The following ATP8B1 variants were observed in gnomAD, a reference collection of about 807,000 sequenced individuals.
ATP8B1 encodes the protein phospholipid-transporting ATPase IC.
A neutral mutation model predicts 149.9 loss-of-function variants in ATP8B1; 80 were observed. That is an observed-to-expected ratio of 0.53 (90% CI 0.45 to 0.64). The LOEUF (loss-of-function observed/expected upper bound fraction) is 0.64. Among genes scored for constraint, ATP8B1 ranks in the 30% least tolerant of loss-of-function variants. The probability of loss-of-function intolerance (pLI) is 0.00; values close to 1 mark genes in which losing one functional copy is unlikely to be tolerated. For missense variants in ATP8B1, 1,247 were observed against 1,552.6 expected, an observed-to-expected ratio of 0.80 and a Z score of 3.31; for synonymous variants, 536 against 562.8, an observed-to-expected ratio of 0.95 and a Z score of 0.67.
chr18:57,800,969 C>T (rs1326489343), intron 1 of ATP8B1, among the ~76,000 whole-genome samples: 3 of 152,176 alleles, frequency 2.0e-5, no homozygotes, highest in Non-Finnish European at 4.4e-5. Context: ...TAAAATCAGT[C>T]CTGAACTTGC....
intron 1 of ATP8B1, among the ~76,000 whole-genome samples, chr18:57,775,691 C>G (rs576791864): frequency 7.0e-6 from 1 of 142,706 alleles, no homozygotes; most frequent in Admixed American, 7.4e-5. Context: ...GTTGCCCAGG[C>G]TGGAGTGCAA....
chr18:57,703,683 T>C (rs918333881), intron 4 of ATP8B1, among the ~76,000 whole-genome samples: 3 of 152,060 alleles, frequency 2.0e-5, no homozygotes, highest in East Asian at 3.9e-4. Context: ...CTAACTAGTG[T>C]GTGTAGAGTT....
intron 20 of ATP8B1, among the ~76,000 whole-genome samples, chr18:57,664,662 G>T (rs1253977948): frequency 6.6e-6 from 1 of 152,170 alleles, no homozygotes. Flanking sequence ...GTGTTAAAAT[G>T]ATATATGTGA....
At chr18:57,690,589 G>A (rs749567202) in intron 12 of ATP8B1, among the ~76,000 whole-genome samples, 5 of 152,138 alleles carry the variant, frequency 3.3e-5, no homozygotes, top group Non-Finnish European at 4.4e-5. Flanking sequence ...CACTCAACTC[G>A]GTTTTTCTCA....
Position 57,784,522 on chromosome 18 carries a change from G to C in ATP8B1, c.-26+18476C>G, listed in dbSNP as rs182628918. On this transcript the variant is annotated intron_variant, in intron 1 of 27. Transcript: ENST00000648908. This position sits in a 1 kb window ranked among gnomAD's most constrained non-coding sequence, Gnocchi z 4.4. ...GAGACGGATTGGAAATGAAAGCAGG[G>C]TGCAGTCTGGAAGAGAAAGGGGTCA... Among the ~76,000 whole-genome samples the C allele has an allele frequency of 1.5e-4, 23 of 152,246 alleles. No individual in the cohort carries two copies. The highest frequency in any genetic ancestry group is 1.3e-3 in the Admixed American group (20 of 15,278).
At chr18:57,658,454 G>T (rs921507442) in intron 22 of ATP8B1, among the ~76,000 whole-genome samples, 3 of 152,228 alleles carry the variant, frequency 2.0e-5, no homozygotes, top group African/African-American at 7.2e-5. Context: ...AGGATAGAGG[G>T]AGAAGGCAGC....
rs908160070 is a variant in ATP8B1 at position 57,653,476 on chromosome 18, G to C, written c.3015+516C>G. ...ATTTTTAAATTTTTCTGTAGAGATG[G>C]GGTCTCCCTATGTTGCCAGGGCTGG... On this transcript the variant is annotated intron_variant, in intron 24 of 27. Coordinates refer to ENST00000648908, the MANE Select transcript of ATP8B1 (RefSeq NM_001374385.1). 4.0e-5 allele frequency among the ~76,000 whole-genome samples: 6 copies of C among 151,572 alleles called. No individual in the cohort carries two copies. The East Asian group carries it at 1.2e-3, about 29-fold the overall frequency.
chr18:57,659,197 G>C (rs1910225698), intron 22 of ATP8B1, among the ~76,000 whole-genome samples: 1 of 152,122 alleles, frequency 6.6e-6, no homozygotes, highest in Admixed American at 6.6e-5. Flanking sequence ...GATTGTTTGA[G>C]GCCAGGAGGT....
chr18:57,779,312 C>T (rs2080337527), intron 1 of ATP8B1, among the ~76,000 whole-genome samples: 1 of 147,608 alleles, frequency 6.8e-6, no homozygotes, highest in Admixed American at 6.7e-5. Context: ...GATACCCTCC[C>T]TCAGAAAAAA....
intron 1 of ATP8B1, among the ~76,000 whole-genome samples, chr18:57,801,297 G>C (rs898754791): frequency 6.6e-6 from 1 of 152,166 alleles, no homozygotes; most frequent in Non-Finnish European, 1.5e-5. Flanking sequence ...GAACAAAGTG[G>C]TTAATGTTCC....
intron 18 of ATP8B1, 177 bp downstream of exon 18, chr18:57,669,141 T>G (rs2122709519): frequency 1.7e-6 from 1 of 605,092 alleles, no homozygotes. Flanking sequence ...TAATGGCAAC[T>G]TCTGTTCTGC....
intron 1 of ATP8B1, among the ~76,000 whole-genome samples, chr18:57,788,841 C>T (rs2080434621): frequency 6.6e-6 from 1 of 152,188 alleles, no homozygotes; most frequent in African/African-American, 2.4e-5. Flanking sequence ...ATCTCCTGGG[C>T]TTGTTTCCCA....
intron 2 of ATP8B1, among the ~76,000 whole-genome samples, chr18:57,723,987 C>T (rs1398742780): frequency 6.7e-6 from 1 of 149,290 alleles, no homozygotes; most frequent in East Asian, 1.9e-4. Context: ...CTGAGAAAAA[C>T]AAGCAATGGG....
intron 1 of ATP8B1, among the ~76,000 whole-genome samples, chr18:57,782,604 T>C (rs1237269881): frequency 1.3e-5 from 2 of 152,094 alleles, no homozygotes; most frequent in Non-Finnish European, 2.9e-5. Flanking sequence ...GAGAATCTCA[T>C]TTATCAAAAA....
At chr18:57,708,821 ATAAT>A (rs1037498135) in intron 2 of ATP8B1, among the ~76,000 whole-genome samples, 2 of 152,168 alleles carry the variant, frequency 1.3e-5, no homozygotes, top group Non-Finnish European at 2.9e-5. Flanking sequence ...AATTTGCTTC[ATAAT>A]TAAGCCACCA....
rs1404504822 is a variant in ATP8B1 at position 57,802,771 on chromosome 18, C to T, written c.-26+227G>A. Among the ~76,000 whole-genome samples the T allele has an allele frequency of 6.6e-6, 1 of 152,236 alleles. No homozygotes were observed. Among genetic ancestry groups the T allele is most frequent in the Non-Finnish European group, 1.5e-5 (1 of 68,038 alleles). On this transcript the variant is annotated intron_variant, in intron 1 of 27. Coordinates refer to ENST00000648908, the MANE Select transcript of ATP8B1 (RefSeq NM_001374385.1). This position sits in a 1 kb window ranked among gnomAD's most constrained non-coding sequence, Gnocchi z 4.9. The stretch of plus-strand genomic sequence containing the variant: ...CCCCACGGAACTCTCCGCAGCGCTG[C>T]CTGCCCAGCCGGCCGTGTCTCGCCG...
At chr18:57,787,441 C>G (rs2123438848) in intron 1 of ATP8B1, among the ~76,000 whole-genome samples, 2 of 135,578 alleles carry the variant, frequency 1.5e-5, no homozygotes, top group Middle Eastern at 3.8e-3. Flanking sequence ...GCGGGAGGAG[C>G]TCCATCTAGA....
chr18:57,798,710 C>G (rs775677151), intron 1 of ATP8B1, among the ~76,000 whole-genome samples: 1 of 152,194 alleles, frequency 6.6e-6, no homozygotes, highest in Non-Finnish European at 1.5e-5. Context: ...CCACGGGCTT[C>G]TACTGTGCAG....
At chr18:57,713,739 C>T (rs561203752) in intron 2 of ATP8B1, among the ~76,000 whole-genome samples, 4 of 58,594 alleles carry the variant, frequency 6.8e-5, no homozygotes, top group South Asian at 6.2e-4. Context: ...TTCCACCCAC[C>T]TTGACCTCCC....
Sources: gnomAD v4.1 joint callset for allele counts (sites outside exome capture counted in the v4.1 genomes callset) on GRCh38, gnomAD v4.1.1 for gene constraint, Gnocchi (gnomAD v3.1) non-coding constraint, MANE v1.5 for transcripts, NCBI Gene and HGNC (gene_info 2026-07-23, HGNC 2026-07-21) for gene names.